The following FER1L5 variants were observed in gnomAD, a reference collection of about 807,000 sequenced individuals.
FER1L5 encodes fer-1-like protein 5.
Under a neutral mutation model 279.9 loss-of-function variants are expected in FER1L5, and 187 were observed. The ratio of observed to expected loss-of-function variants is 0.67; its 90% CI spans 0.59 to 0.75. FER1L5 has a LOEUF of 0.75. FER1L5 is among the 30% of genes least tolerant of loss of function. The pLI is 0.00. For synonymous variants in FER1L5, 921 were observed against 989.7 expected, an observed-to-expected ratio of 0.93 and a Z score of 1.30; for missense variants, 2,091 against 2,594.4, an observed-to-expected ratio of 0.81 and a Z score of 4.21.
At chr2:96,697,927 G>A (rs889773214) in intron 39 of FER1L5, 110 bp from the exon 40 acceptor site, 139 of 1,481,286 alleles carry the variant, frequency 9.4e-5, no homozygotes, top group Middle Eastern at 6.8e-4. Flanking sequence ...GCTGGCCCCA[G>A]GGCCGCTGAC....
chr2:96,660,417 A>G, intron 10 of FER1L5, 46 bp downstream of exon 10: 4 of 1,536,872 alleles, frequency 2.6e-6, no homozygotes, highest in Non-Finnish European at 3.5e-6. Flanking sequence ...GAGAAAAATC[A>G]GGCCAAGGGT....
At chr2:96,667,197 A>G (rs2076154609) in intron 14 of FER1L5, among the ~76,000 whole-genome samples, 1 of 152,000 alleles carries the variant, frequency 6.6e-6, no homozygotes, top group Non-Finnish European at 1.5e-5. Flanking sequence ...AACCTCTCTG[A>G]TCTCAGCTTT....
At position 96,673,272 on chromosome 2, in the gene FER1L5, G is replaced by T; in HGVS notation, c.1669+18G>T. 6.5e-7 allele frequency: 1 copy of T among 1,542,714 alleles called. No homozygotes were observed. Among genetic ancestry groups the T allele is most frequent in the South Asian group, 1.2e-5 (1 of 83,642 alleles). On this transcript the variant is annotated intron_variant, in intron 19 of 52. Coordinates refer to ENST00000624922, the MANE Select transcript of FER1L5 (RefSeq NM_001293083.2). ...ATATGATGGTAATTGTCAGATTCAG[G>T]CAATAAGTAGAGAGCAGCCACTGCA...
chr2:96,651,712 A>G (rs2075389016), intron 6 of FER1L5, among the ~76,000 whole-genome samples, 180 bp from the exon 7 acceptor site: 1 of 152,084 alleles, frequency 6.6e-6, no homozygotes, highest in African/African-American at 2.4e-5. Context: ...CATGTTGCCC[A>G]GTCAATCTGG....
At chr2:96,646,877 G>A (rs1558833502) in intron 2 of FER1L5, among the ~76,000 whole-genome samples, 187 bp from the exon 3 acceptor site, 2 of 152,160 alleles carry the variant, frequency 1.3e-5, no homozygotes, top group South Asian at 4.1e-4. Flanking sequence ...CACAGAAGCC[G>A]AGTGGGATGC....
intron 19 of FER1L5, among the ~76,000 whole-genome samples, chr2:96,681,591 TATG>T (rs1331224892): frequency 6.6e-6 from 1 of 152,070 alleles, no homozygotes; most frequent in African/African-American, 2.4e-5. Context: ...ATGGTTTTGA[TATG>T]ATATAAAAAA....
intron 9 of FER1L5, among the ~76,000 whole-genome samples, chr2:96,659,629 C>T (rs1452534617): frequency 6.6e-6 from 1 of 150,554 alleles, no homozygotes; most frequent in Non-Finnish European, 1.5e-5. Flanking sequence ...GTAGCTGAGA[C>T]TACAGGGGCC....
intron 24 of FER1L5, 39 bp downstream of exon 24, chr2:96,687,986 G>A (rs911869319): frequency 6.5e-6 from 10 of 1,548,466 alleles, no homozygotes; most frequent in African/African-American, 1.4e-5. Context: ...GGGCAGGCAC[G>A]CGGGGGTGGG....
In FER1L5 at chr2:96,704,711, C is replaced by G; in HGVS notation, c.*19C>G. 1 of 1,602,584 alleles carries G rather than the reference C, an allele frequency of 6.2e-7. No homozygotes were observed. Among genetic ancestry groups the G allele is most frequent in the Non-Finnish European group, 8.5e-7 (1 of 1,169,864 alleles). ...AGACTAATTAGTCCATGCTGCCTGG[C>G]TTTCCTCCTGCTACCAACAGCCCTC... On this transcript the variant is annotated 3_prime_UTR_variant, in exon 53 of 53. Transcript: ENST00000624922.
Position 96,698,880 on chromosome 2 carries a change from A to AACCCATCTCTGGGAGCCCCCTCC in FER1L5, c.4518+49_4518+71dup. 2.6e-6 allele frequency: 4 copies of AACCCATCTCTGGGAGCCCCCTCC among 1,545,158 alleles called. No homozygotes were observed. Among genetic ancestry groups the AACCCATCTCTGGGAGCCCCCTCC allele is most frequent in the Non-Finnish European group, 3.5e-6 (4 of 1,141,646 alleles). The stretch of plus-strand genomic sequence containing the variant: ...CACAGGTGCCCCGCACGCTCCCCTC[A>AACCCATCTCTGGGAGCCCCCTCC]ACCCATCTCTGGGAGCCCCCTCCGA... On this transcript the variant is annotated intron_variant, in intron 41 of 52. Transcript: ENST00000624922. The surrounding 1 kb of genome is among the most constrained non-coding windows in gnomAD (Gnocchi z 5.5).
At position 96,689,641 on chromosome 2, in the gene FER1L5, C is replaced by G; in HGVS notation, c.2526-3C>G. The G allele has an allele frequency of 6.4e-7, 1 of 1,550,848 alleles. No individual in the cohort carries two copies. The highest frequency in any genetic ancestry group is 1.4e-5 in the African/African-American group (1 of 73,120). ...TGGGAACTTGGGGTCTCATTACCCC[C>G]AGGCTCCTCCTGGACATAGACATCA... On this transcript the variant is annotated splice_region_variant and splice_polypyrimidine_tract_variant and intron_variant, in intron 25 of 52. Transcript: ENST00000624922. The surrounding 1 kb of genome is among the most constrained non-coding windows in gnomAD (Gnocchi z 4.6).
chr2:96,655,881 TA>T (rs1558847411), intron 9 of FER1L5, among the ~76,000 whole-genome samples: 1 of 152,176 alleles, frequency 6.6e-6, no homozygotes, highest in African/African-American at 2.4e-5. Context: ...GGCTAATTTT[TA>T]AAAATTTTTT....
Position 96,661,755 on chromosome 2 carries a change from C to T in FER1L5, c.982C>T (p.Gln328Ter), listed in dbSNP as rs2075962453. ...AGTCCCGATCAACATGGCTTACTTA[C>T]AGCTCTTCATCTACTGCGCAGAGGA... ...AVVPINMAYL[Q>*]LFIYCAEDLH... Residue 328 changes from glutamine to a stop codon, truncating the protein, a stop_gained, in exon 12 of 53, where the codon CAG (glutamine) becomes TAG (stop). Transcript: ENST00000624922. LOFTEE classifies it high-confidence loss of function. 1 of 1,551,724 alleles carries T rather than the reference C, an allele frequency of 6.4e-7. No homozygotes were observed. The highest frequency in any genetic ancestry group is 8.7e-7 in the Non-Finnish European group (1 of 1,147,000).
At position 96,697,510 on chromosome 2, in the gene FER1L5, C is replaced by A; in HGVS notation, c.4084-16C>A. ...GTGAGCTATGGCTTTCCCTTGCTCA[C>A]CCTCTCCTTTTTCAGTTCCTAGGCT... On this transcript the variant is annotated splice_polypyrimidine_tract_variant and intron_variant, in intron 37 of 52. Transcript: ENST00000624922. 1 of 1,612,176 alleles carries A rather than the reference C, an allele frequency of 6.2e-7. No homozygotes were observed. Among genetic ancestry groups the A allele is most frequent in the South Asian group, 1.1e-5 (1 of 90,488 alleles).
At chr2:96,693,190 A>G (rs1261797742) in intron 31 of FER1L5, among the ~76,000 whole-genome samples, 2 of 151,666 alleles carry the variant, frequency 1.3e-5, no homozygotes, top group African/African-American at 4.8e-5. Context: ...AAAAAGAGAA[A>G]AAAAAAAAAG....
intron 9 of FER1L5, 123 bp from the exon 10 acceptor site, chr2:96,660,218 G>A: frequency 2.1e-6 from 2 of 951,652 alleles, no homozygotes; most frequent in South Asian, 1.4e-5. Context: ...CTGTAAAGAT[G>A]AAAGGAGTTA....
At chr2:96,703,763 A>G (rs998733603) in intron 51 of FER1L5, 131 bp downstream of exon 51, 1 of 749,890 alleles carries the variant, frequency 1.3e-6, no homozygotes, top group Admixed American at 2.5e-5. Context: ...AGTTACAATC[A>G]GCAAAGAACA....
At chr2:96,688,013 A>T in intron 24 of FER1L5, 66 bp downstream of exon 24, 1 of 1,536,392 alleles carries the variant, frequency 6.5e-7, no homozygotes, top group African/African-American at 1.4e-5. Flanking sequence ...GTGGCCTCGT[A>T]GGGAAGAGAT....
intron 1 of FER1L5, among the ~76,000 whole-genome samples, chr2:96,644,320 T>G (rs1326385308): frequency 6.8e-6 from 1 of 146,226 alleles, no homozygotes; most frequent in Non-Finnish European, 1.5e-5. Flanking sequence ...CTACTAAAAA[T>G]ACAAAAAAAA....
Sources: gnomAD v4.1 joint callset for allele counts (sites outside exome capture counted in the v4.1 genomes callset) on GRCh38, gnomAD v4.1.1 for gene constraint, Gnocchi (gnomAD v3.1) non-coding constraint, MANE v1.5 for transcripts, NCBI Gene and HGNC (gene_info 2026-07-23, HGNC 2026-07-21) for gene names.